Variants in DERPC observed in about 807,000 individuals in gnomAD.
DERPC encodes the protein decreased expression in renal and prostate cancer protein.
In DERPC, 1 loss-of-function variant was observed where a neutral mutation model predicts 7.2. That is an observed-to-expected ratio of 0.14 (90% confidence interval 0.05 to 0.66). The LOEUF (loss-of-function observed/expected upper bound fraction) is 0.66, where lower values mean the gene tolerates loss of function less well. DERPC is among the 30% of genes least tolerant of loss of function. The probability of loss-of-function intolerance (pLI) is 0.84; values close to 1 mark genes in which losing one functional copy is unlikely to be tolerated. For missense variants in DERPC, 502 were observed against 299.4 expected (o/e 1.68, Z -4.99); for synonymous variants, 185 against 117.6 (o/e 1.57, Z -3.71).
At chr16:69,128,159 C>T (rs919103458) in intron 1 of DERPC, among the ~76,000 whole-genome samples, 1 of 152,086 alleles carries the variant, frequency 6.6e-6, no homozygotes, top group Non-Finnish European at 1.5e-5. Context: ...ATGATCCACC[C>T]GCCTCGGCCT....
At chr16:69,132,421 C>T in intron 1 of DERPC, 63 bp downstream of exon 1, 1 of 173,106 alleles carries the variant, frequency 5.8e-6, no homozygotes. Flanking sequence ...CGCGCCCTCG[C>T]CCCCAATCCC....
chr16:69,127,600 AC>A (rs1390917093), intron 1 of DERPC, among the ~76,000 whole-genome samples: 22 of 143,554 alleles, frequency 1.5e-4, no homozygotes, highest in Admixed American at 1.5e-3. Flanking sequence ...TCTCCCGGCA[AC>A]TTTTTTTTTT....
chr16:69,124,372 T>A (rs1057480126), intron 1 of DERPC, among the ~76,000 whole-genome samples: 2 of 152,144 alleles, frequency 1.3e-5, no homozygotes, highest in African/African-American at 4.8e-5. Context: ...AGTTAATAGG[T>A]ATTATAATTG....
At chr16:69,123,585 G>C (rs571194314) in intron 1 of DERPC, among the ~76,000 whole-genome samples, 3 of 152,164 alleles carry the variant, frequency 2.0e-5, no homozygotes, top group Non-Finnish European at 4.4e-5. Flanking sequence ...TGAACCCTGG[G>C]AGGCAAAGGT....
Position 69,118,435 on chromosome 16 carries a change from C to CCAA in DERPC, c.*416_*418dup. ...GAGCTACGGAAGCATGGTCCGTTCA[C>CCAA]CAACGCCACGTTTCTAGAGAGCAGT... On this transcript the variant is annotated 3_prime_UTR_variant, in exon 3 of 3. Coordinates refer to ENST00000519520, the MANE Select transcript of DERPC (RefSeq NM_001002847.4). 6.2e-7 allele frequency: 1 copy of CCAA among 1,611,364 alleles called. No individual in the cohort carries two copies. Among genetic ancestry groups the CCAA allele is most frequent in the East Asian group, 2.2e-5 (1 of 44,866 alleles).
intron 1 of DERPC, among the ~76,000 whole-genome samples, chr16:69,124,794 C>T (rs532166632): frequency 1.8e-4 from 28 of 152,298 alleles, no homozygotes; most frequent in African/African-American, 6.7e-4. Flanking sequence ...AGACACTGTG[C>T]AAGCTTGAGA....
Position 69,120,419 on chromosome 16 carries a change from G to A in DERPC, c.10C>T (p.Pro4Ser), listed in dbSNP as rs1397606378. 6.2e-7 allele frequency: 1 copy of A among 1,614,076 alleles called. No homozygotes were observed. Among genetic ancestry groups the A allele is most frequent in the Non-Finnish European group, 8.5e-7 (1 of 1,179,952 alleles). Residue 4 changes from proline to serine, a missense_variant, in exon 3 of 3, where the codon CCT (proline) becomes TCT (serine). Pro to Ser is a moderately conservative substitution (Grantham distance 74). Coordinates refer to ENST00000519520, the MANE Select transcript of DERPC (RefSeq NM_001002847.4). This position sits in a 1 kb window ranked among gnomAD's most constrained non-coding sequence, Gnocchi z 4.0. MKEPRIFPRERPTP... is the reference protein window; with the variant it reads MKESRIFPRERPTP... Reference sequence around the variant, plus strand: ...GGCCGCTCTCTAGGGAAAATCCGAGGTTCTTTCATACTTTCTTGGGGACGC... The same window carrying A: ...GGCCGCTCTCTAGGGAAAATCCGAGATTCTTTCATACTTTCTTGGGGACGC...
At chr16:69,122,232 C>T (rs535044871) in intron 1 of DERPC, among the ~76,000 whole-genome samples, 1 of 152,258 alleles carries the variant, frequency 6.6e-6, no homozygotes, top group African/African-American at 2.4e-5. Flanking sequence ...TTAAAATCAC[C>T]AATGGTCAAC....
At chr16:69,131,335 C>G (rs976308883) in intron 1 of DERPC, 1 of 152,122 alleles carries the variant, frequency 6.6e-6, no homozygotes, top group Non-Finnish European at 1.5e-5. Context: ...TGGCTTCAGT[C>G]GATCTGAGTT....
At chr16:69,121,089 A>G (rs569990293) in intron 2 of DERPC, 12 of 1,614,078 alleles carry the variant, frequency 7.4e-6, no homozygotes, top group East Asian at 6.7e-5. Flanking sequence ...GGAGGTTTCC[A>G]GCTAATCCAG....
chr16:69,118,121 T>TCCCCCCCC lies in DERPC; in HGVS notation c.*732_*733insGGGGGGGG. 4.3e-6 allele frequency: 2 copies of TCCCCCCCC among 462,568 alleles called. No homozygotes were observed. The highest frequency in any genetic ancestry group is 3.9e-6 in the Non-Finnish European group (1 of 255,618). The allele number at this position is 462,568 out of a possible 1,614,324, so 28.7% of individuals were successfully genotyped here. ...AAAGCACAGTGATTTCTTCCCTTCATCCCCCACCCCCACCCTAATTCCCAT... is the reference window on the plus strand; with the variant it reads ...AAAGCACAGTGATTTCTTCCCTTCATCCCCCCCCCCCCCACCCCCACCCTAATTCCCAT... On this transcript the variant is annotated 3_prime_UTR_variant, in exon 3 of 3. Coordinates refer to ENST00000519520, the MANE Select transcript of DERPC (RefSeq NM_001002847.4).
rs1961423945 is a variant in DERPC, at chr16:69,119,256, G to A, written c.1173C>T (p.Leu391=). Residue 391 remains leucine, a synonymous_variant, in exon 3 of 3, where the codon CTC becomes CTT. Transcript: ENST00000519520. Reference sequence around the variant, plus strand: ...GGAAAATGGTTGGATTTGAGCCCTGGAGGCCAGCGGACCTTTGGAAGGTAG... The same window carrying A: ...GGAAAATGGTTGGATTTGAGCCCTGAAGGCCAGCGGACCTTTGGAAGGTAG... ...NPATFQRSAG[L]QGSNPTIFPR... 2.8e-6 allele frequency: 2 copies of A among 703,042 alleles called. No individual in the cohort carries two copies. Among genetic ancestry groups the A allele is most frequent in the East Asian group, 2.7e-5 (1 of 37,288 alleles). The allele number at this position is 703,042 out of a possible 1,614,324, so 43.6% of individuals were successfully genotyped here. A position where few individuals can be genotyped will look rare whatever the true frequency, so the allele number is the denominator to read the frequency against.
Position 69,118,780 on chromosome 16 carries a change from C to T in DERPC, c.*74G>A, listed in dbSNP as rs548081155. ...TTCAGACTGTAGCTCCACAACTACC[C>T]TTTTACCTAAGACAGCCCCTGCCAA... On this transcript the variant is annotated 3_prime_UTR_variant, in exon 3 of 3. Coordinates refer to ENST00000519520, the MANE Select transcript of DERPC (RefSeq NM_001002847.4). The T allele has an allele frequency of 8.1e-4, 521 of 645,276 alleles. No individual in the cohort carries two copies. The highest frequency in any genetic ancestry group is 1.0e-3 in the Non-Finnish European group (375 of 358,794). The allele number at this position is 645,276 out of a possible 1,614,324, so 40.0% of individuals were successfully genotyped here.
chr16:69,123,776 AAT>A (rs1278550562), intron 1 of DERPC, among the ~76,000 whole-genome samples: 2 of 152,242 alleles, frequency 1.3e-5, no homozygotes, highest in Admixed American at 6.5e-5. Flanking sequence ...TAGATATGAA[AAT>A]ATCTTAGATA....
Position 69,120,151 on chromosome 16 carries a change from G to C in DERPC, c.278C>G (p.Pro93Arg), listed in dbSNP as rs745441996. ...PAPFPAGARD[P>R]SMASFPRGMN... ...CCCTCTTGGAAAAGAAGCCATACTTGGGTCACGAGCACCAGCCGGGAAAGG... is the reference window on the plus strand; with the variant it reads ...CCCTCTTGGAAAAGAAGCCATACTTCGGTCACGAGCACCAGCCGGGAAAGG... The change falls in exon 3 of 3, where the codon CCA becomes CGA. Residue 93 changes from proline to arginine, a missense_variant. Transcript: ENST00000519520. This position sits in a 1 kb window ranked among gnomAD's most constrained non-coding sequence, Gnocchi z 4.0. 8 of 701,504 alleles carry C rather than the reference G, an allele frequency of 1.1e-5. 1 individual carries two copies. The highest frequency in any genetic ancestry group is 1.6e-5 in the Non-Finnish European group (6 of 385,040). 43.5% of individuals were successfully genotyped at this position (701,504 alleles called of 1,614,324 possible).
At position 69,120,668 on chromosome 16, in the gene DERPC, G is replaced by A. The variant is rs767354306; in HGVS notation, c.-221-19C>T. The A allele has an allele frequency of 8.8e-6, 14 of 1,595,684 alleles. No individual in the cohort carries two copies. Among genetic ancestry groups the A allele is most frequent in the East Asian group, 4.5e-5 (2 of 44,520 alleles). ...GGATTCCCTTTGGCAGAACAAGAAC[G>A]AGATTCCTGAGGTTCCGGGGCAAGG... On this transcript the variant is annotated intron_variant, in intron 2 of 2. Transcript: ENST00000519520. This position sits in a 1 kb window ranked among gnomAD's most constrained non-coding sequence, Gnocchi z 4.0.
chr16:69,123,845 TG>T (rs1961858358), intron 1 of DERPC, among the ~76,000 whole-genome samples: 1 of 149,908 alleles, frequency 6.7e-6, no homozygotes, highest in Admixed American at 6.7e-5. Flanking sequence ...TCCAGAACTT[TG>T]GGAGACCAAA....
chr16:69,118,336 T>C lies in DERPC; in HGVS notation c.*518A>G. 1 of 1,469,254 alleles carries C rather than the reference T, an allele frequency of 6.8e-7. No homozygotes were observed. The highest frequency in any genetic ancestry group is 9.5e-7 in the Non-Finnish European group (1 of 1,047,908). 91.0% of individuals were successfully genotyped at this position (1,469,254 alleles called of 1,614,324 possible). A position where few individuals can be genotyped will look rare whatever the true frequency, so the allele number is the denominator to read the frequency against. On this transcript the variant is annotated 3_prime_UTR_variant, in exon 3 of 3. Coordinates refer to ENST00000519520, the MANE Select transcript of DERPC (RefSeq NM_001002847.4). Reference sequence around the variant, plus strand: ...TCTTTCTTTGAAGTGGTTGTCCATCTCCCTGTTCTGTGTTCAAGCCCCCAG... The same window carrying C: ...TCTTTCTTTGAAGTGGTTGTCCATCCCCCTGTTCTGTGTTCAAGCCCCCAG...
chr16:69,119,896 C>A lies in DERPC; in HGVS notation c.533G>T (p.Gly178Val). The change falls in exon 3 of 3, where the codon GGC becomes GTC. Residue 178 changes from glycine (G) to valine (V), a missense_variant. By Grantham distance (109) the Gly-to-Val change is moderately radical (BLOSUM62 -3). Transcript: ENST00000519520. ...GPDPRGGGPMGPGSGPNLRAG... is the reference protein window; with the variant it reads ...GPDPRGGGPMVPGSGPNLRAG... Reference sequence around the variant, plus strand: ...TCTCAGGTTAGGTCCAGATCCAGGGCCCATGGGACCACCACCTCTGGGGTC... The same window carrying A: ...TCTCAGGTTAGGTCCAGATCCAGGGACCATGGGACCACCACCTCTGGGGTC... 2 of 702,162 alleles carry A rather than the reference C, an allele frequency of 2.8e-6. No individual in the cohort carries two copies. Among genetic ancestry groups the A allele is most frequent in the Non-Finnish European group, 5.2e-6 (2 of 385,000 alleles). The allele number at this position is 702,162 out of a possible 1,614,324, so 43.5% of individuals were successfully genotyped here. A position where few individuals can be genotyped will look rare whatever the true frequency, so the allele number is the denominator to read the frequency against.
Sources: gnomAD v4.1 joint callset for allele counts (sites outside exome capture counted in the v4.1 genomes callset) on GRCh38, gnomAD v4.1.1 for gene constraint, Gnocchi (gnomAD v3.1) non-coding constraint, MANE v1.5 for transcripts, NCBI Gene and HGNC (gene_info 2026-07-23, HGNC 2026-07-21) for gene names.